DNAH14: variants seen among roughly 807,000 people sequenced by gnomAD.
DNAH14 encodes axonemal beta dynein heavy chain 14.
Under a neutral mutation model 520.9 loss-of-function variants are expected in DNAH14, and 478 were observed. The ratio of observed to expected loss-of-function variants is 0.92; its 90% CI spans 0.85 to 0.99. The LOEUF (loss-of-function observed/expected upper bound fraction) is 0.99. Among genes scored for constraint, DNAH14 ranks in the 50% least tolerant of loss-of-function variants. The probability of loss-of-function intolerance (pLI) is 0.00; values close to 1 mark genes in which losing one functional copy is unlikely to be tolerated. For synonymous variants in DNAH14, 1,581 were observed against 1,757.2 expected, an observed-to-expected ratio of 0.90 and a Z score of 2.51; for missense variants, 4,831 against 5,234.5, an observed-to-expected ratio of 0.92 and a Z score of 2.38.
intron 36 of DNAH14, among the ~76,000 whole-genome samples, chr1:225,181,547 T>C (rs2083998909): frequency 6.6e-6 from 1 of 152,214 alleles, no homozygotes; most frequent in Non-Finnish European, 1.5e-5. Context: ...CAATTCATTG[T>C]GGTTTTCATT....
At chr1:225,253,719 C>A (rs2092638870) in intron 44 of DNAH14, among the ~76,000 whole-genome samples, 1 of 152,012 alleles carries the variant, frequency 6.6e-6, no homozygotes, top group Non-Finnish European at 1.5e-5. Context: ...ATGTGCTTAC[C>A]CTGTTTCTTG....
intron 58 of DNAH14, among the ~76,000 whole-genome samples, chr1:225,305,505 C>T (rs2094221688): frequency 6.6e-6 from 1 of 152,042 alleles, no homozygotes; most frequent in African/African-American, 2.4e-5. Flanking sequence ...TGAGGAGGCA[C>T]GGGAAGAAAC....
intron 43 of DNAH14, among the ~76,000 whole-genome samples, chr1:225,251,194 A>G (rs190421181): frequency 9.6e-4 from 135 of 140,076 alleles, no homozygotes; most frequent in Non-Finnish European, 1.7e-3. Flanking sequence ...TTTTTTTGAG[A>G]TGGAGTCTTG....
At chr1:225,110,064 G>A (rs1478373541) in intron 23 of DNAH14, among the ~76,000 whole-genome samples, 6 of 152,064 alleles carry the variant, frequency 3.9e-5, no homozygotes, top group Admixed American at 2.6e-4. Flanking sequence ...CCTTTTAAAT[G>A]TGTTGTTGAC....
chr1:225,110,183 A>C (rs115786424), intron 23 of DNAH14, among the ~76,000 whole-genome samples: 11,103 of 152,070 alleles, frequency 0.073, 630 homozygotes, highest in East Asian at 0.24. Context: ...GTATCAGGGT[A>C]ATACCGGCAT....
At chr1:224,965,973 ATATTCT>A (rs1175473691) in intron 5 of DNAH14, among the ~76,000 whole-genome samples, 6 of 152,170 alleles carry the variant, frequency 3.9e-5, no homozygotes, top group Non-Finnish European at 7.4e-5. Context: ...TAATTGGAAC[ATATTCT>A]TATGCTTTTA....
intron 17 of DNAH14, among the ~76,000 whole-genome samples, chr1:225,062,915 A>G (rs986516189): frequency 6.6e-6 from 1 of 152,328 alleles, no homozygotes; most frequent in East Asian, 1.9e-4. Context: ...CAGATACGTA[A>G]CATGTAACAC....
chr1:225,254,076 TC>T (rs2092652680), intron 44 of DNAH14, among the ~76,000 whole-genome samples: 1 of 152,040 alleles, frequency 6.6e-6, no homozygotes, highest in Non-Finnish European at 1.5e-5. Context: ...TATTTTTTTC[TC>T]CCCTTTCTTG....
intron 71 of DNAH14, 56 bp from the exon 72 acceptor site, chr1:225,351,591 A>G: frequency 1.5e-6 from 2 of 1,290,900 alleles, no homozygotes; most frequent in Non-Finnish European, 2.1e-6. Flanking sequence ...TGTAATGAAT[A>G]ACTAAAAGGT....
At chr1:224,945,123 G>A (rs941212746) in intron 1 of DNAH14, among the ~76,000 whole-genome samples, 1 of 152,140 alleles carries the variant, frequency 6.6e-6, no homozygotes, top group Non-Finnish European at 1.5e-5. Context: ...GTCATTTTCA[G>A]GTACACCAAT....
At chr1:225,223,177 AT>A (rs2090215699) in intron 41 of DNAH14, among the ~76,000 whole-genome samples, 1 of 152,170 alleles carries the variant, frequency 6.6e-6, no homozygotes, top group African/African-American at 2.4e-5. Flanking sequence ...GGCAAGCGAC[AT>A]TAGAAGGGGA....
intron 17 of DNAH14, among the ~76,000 whole-genome samples, chr1:225,070,749 G>A (rs1184461555): frequency 1.3e-5 from 2 of 152,086 alleles, no homozygotes; most frequent in African/African-American, 4.8e-5. Flanking sequence ...GGCTCGGGTT[G>A]TGAATATCTT....
intron 41 of DNAH14, among the ~76,000 whole-genome samples, chr1:225,228,892 G>A (rs1021841840): frequency 2.6e-5 from 4 of 152,152 alleles, no homozygotes; most frequent in Non-Finnish European, 5.9e-5. Flanking sequence ...AGGGAAGAAT[G>A]AGCTGAAGGC....
At chr1:225,369,218 C>T (rs1382655355) in intron 77 of DNAH14, among the ~76,000 whole-genome samples, 5 of 151,572 alleles carry the variant, frequency 3.3e-5, no homozygotes, top group Non-Finnish European at 4.4e-5. Flanking sequence ...TAAATAATAA[C>T]GTAAAGCAAT....
intron 73 of DNAH14, among the ~76,000 whole-genome samples, chr1:225,355,280 T>G (rs2095417769): frequency 6.6e-6 from 1 of 152,232 alleles, no homozygotes; most frequent in Non-Finnish European, 1.5e-5. Context: ...TTTATTTTAT[T>G]TTTTTAATTA....
chr1:225,204,458 CAT>C (rs991121954), intron 39 of DNAH14, among the ~76,000 whole-genome samples, 185 bp downstream of exon 39: 5 of 151,892 alleles, frequency 3.3e-5, no homozygotes, highest in South Asian at 2.1e-4. Flanking sequence ...ACAATGTATA[CAT>C]ATATATATAA....
intron 44 of DNAH14, among the ~76,000 whole-genome samples, chr1:225,253,903 T>C (rs966200731): frequency 6.6e-6 from 1 of 152,330 alleles, no homozygotes; most frequent in East Asian, 1.9e-4. Flanking sequence ...TTCTCTATCA[T>C]TGGAAGATTC....
At chr1:225,146,332 C>T (rs1233322288) in intron 30 of DNAH14, among the ~76,000 whole-genome samples, 4 of 152,226 alleles carry the variant, frequency 2.6e-5, no homozygotes, top group African/African-American at 9.6e-5. Flanking sequence ...CTCTCACTTA[C>T]TCATTCCGAT....
chr1:225,100,424 C>T (rs561876084), intron 22 of DNAH14, among the ~76,000 whole-genome samples: 13 of 152,296 alleles, frequency 8.5e-5, no homozygotes, highest in African/African-American at 2.9e-4. Flanking sequence ...TCTTAGGACA[C>T]AGATTGTTTC....
Sources: allele counts gnomAD v4.1 joint callset (sites outside exome capture counted in the v4.1 genomes callset), GRCh38; gene constraint gnomAD v4.1.1; transcripts MANE v1.5; gene names NCBI Gene and HGNC (gene_info 2026-07-23, HGNC 2026-07-21).